The following STXBP5L variants were observed in gnomAD, a reference collection of about 807,000 sequenced individuals.
STXBP5L encodes the protein syntaxin binding protein 5L.
STXBP5L carries 65 observed loss-of-function variants against 144.5 expected under a neutral mutation model. That is an observed-to-expected ratio of 0.45 (90% CI 0.37 to 0.55). The LOEUF (loss-of-function observed/expected upper bound fraction) is 0.55. STXBP5L is among the 20% of genes least tolerant of loss of function. The pLI, the probability that STXBP5L is intolerant of heterozygous loss-of-function variation, is 0.00. For missense variants in STXBP5L, 1,298 were observed against 1,405.5 expected (o/e 0.92, Z 1.22); for synonymous variants, 505 against 469.6 (o/e 1.08, Z -0.97).
At chr3:121,132,107 C>T (rs2045018255) in intron 7 of STXBP5L, among the ~76,000 whole-genome samples, 1 of 152,140 alleles carries the variant, frequency 6.6e-6, no homozygotes, top group Non-Finnish European at 1.5e-5. Flanking sequence ...AGTCTTGGAG[C>T]ACTGACAGCT....
intron 8 of STXBP5L, 105 bp downstream of exon 8, chr3:121,152,665 C>A: frequency 1.3e-6 from 1 of 748,312 alleles, no homozygotes; most frequent in South Asian, 2.2e-5. Context: ...TGGAAAGTTG[C>A]CTGATTCTGA....
At chr3:121,297,966 C>A (rs913799512) in intron 19 of STXBP5L, among the ~76,000 whole-genome samples, 1 of 152,132 alleles carries the variant, frequency 6.6e-6, no homozygotes, top group African/African-American at 2.4e-5. Context: ...CTTTGAGAAT[C>A]CTGTTTTCAA....
chr3:121,133,646 G>T (rs958939096), intron 7 of STXBP5L, among the ~76,000 whole-genome samples: 1 of 152,176 alleles, frequency 6.6e-6, no homozygotes, highest in African/African-American at 2.4e-5. Flanking sequence ...TCTTTAAGTT[G>T]AAGCAAAAGG....
chr3:121,389,957 C>T (rs1239918865), intron 22 of STXBP5L, among the ~76,000 whole-genome samples: 1 of 152,120 alleles, frequency 6.6e-6, no homozygotes, highest in Non-Finnish European at 1.5e-5. Flanking sequence ...CCTTCTGTCT[C>T]GTGGATCTGT....
chr3:121,417,455 T>C (rs1046098750), intron 25 of STXBP5L, among the ~76,000 whole-genome samples: 1 of 152,130 alleles, frequency 6.6e-6, no homozygotes, highest in Non-Finnish European at 1.5e-5. Context: ...AGCTGTTTTT[T>C]TTTCCTTAAA....
intron 14 of STXBP5L, among the ~76,000 whole-genome samples, 155 bp downstream of exon 14, chr3:121,240,662 C>T (rs1182889476): frequency 6.6e-6 from 1 of 152,046 alleles, no homozygotes; most frequent in Admixed American, 6.6e-5. Flanking sequence ...CTCATCTTGA[C>T]AGAGGATATA....
rs535446894 is a variant in STXBP5L at position 121,381,486 on chromosome 3, A to C, written c.2541A>C (p.Leu847Phe). The C allele has an allele frequency of 1.6e-5, 25 of 1,595,480 alleles. No homozygotes were observed. In the East Asian group the frequency reaches 3.6e-4, roughly 23 times the overall value. The change falls in exon 22 of 27, where the codon TTA (leucine) becomes TTC (phenylalanine). Residue 847 changes from leucine to phenylalanine, a missense_variant. Transcript: ENST00000471454. ...MVLIISLNLP[L>F]ADEQRFTEPV... ...TAATCATCTCCTTAAACCTACCATT[A>C]GCAGATGAACAAAGGTTTACAGAGC...
chr3:120,933,202 T>TA (rs1293207215), intron 2 of STXBP5L, among the ~76,000 whole-genome samples: 9 of 151,836 alleles, frequency 5.9e-5, no homozygotes, highest in Non-Finnish European at 1.0e-4. Context: ...ATAATAATAA[T>TA]AAAAAAAGAA....
intron 19 of STXBP5L, among the ~76,000 whole-genome samples, chr3:121,312,788 G>A (rs1405363901): frequency 6.6e-6 from 1 of 152,024 alleles, no homozygotes; most frequent in Non-Finnish European, 1.5e-5. Flanking sequence ...TAAGGTCACA[G>A]ATCAACAGGA....
intron 20 of STXBP5L, among the ~76,000 whole-genome samples, chr3:121,344,630 A>T (rs2044875364): frequency 6.6e-6 from 1 of 152,078 alleles, no homozygotes. Context: ...ATACAAATAC[A>T]ATAGTGTAAT....
chr3:121,335,009 T>G (rs1357588469), intron 20 of STXBP5L, among the ~76,000 whole-genome samples: 1 of 152,132 alleles, frequency 6.6e-6, no homozygotes, highest in Admixed American at 6.6e-5. Context: ...AGAGAGAAAG[T>G]CAAACAATTC....
At chr3:120,951,941 G>A (rs943043713) in intron 2 of STXBP5L, among the ~76,000 whole-genome samples, 16 of 151,788 alleles carry the variant, frequency 1.1e-4, no homozygotes, top group African/African-American at 2.4e-4. Context: ...TTAAGAAAAT[G>A]TGGCACATAT....
chr3:121,178,265 TG>T (rs1394591915), intron 9 of STXBP5L, among the ~76,000 whole-genome samples: 3 of 152,206 alleles, frequency 2.0e-5, no homozygotes, highest in Non-Finnish European at 2.9e-5. Context: ...GAAAAATAGT[TG>T]ATTTTAAATT....
At chr3:121,176,549 A>G (rs548519326) in intron 9 of STXBP5L, among the ~76,000 whole-genome samples, 42 of 151,792 alleles carry the variant, frequency 2.8e-4, no homozygotes, top group Non-Finnish European at 4.4e-4. Flanking sequence ...CTCCCAAAAT[A>G]ACAAGCATTT....
chr3:121,349,520 T>G (rs987741758), intron 20 of STXBP5L, among the ~76,000 whole-genome samples: 1 of 152,092 alleles, frequency 6.6e-6, no homozygotes, highest in Non-Finnish European at 1.5e-5. Context: ...CCTTGTTAAC[T>G]TTCTGTCTCG....
At chr3:121,096,121 C>G (rs915522673) in intron 5 of STXBP5L, among the ~76,000 whole-genome samples, 3 of 152,086 alleles carry the variant, frequency 2.0e-5, no homozygotes, top group African/African-American at 4.8e-5. Flanking sequence ...CCCCCACTGT[C>G]TGACAATCCC....
chr3:121,217,353 C>G (rs2048814543), intron 10 of STXBP5L, among the ~76,000 whole-genome samples: 1 of 152,150 alleles, frequency 6.6e-6, no homozygotes. Context: ...GTTGCGAAGA[C>G]CATGGGAAAA....
intron 3 of STXBP5L, among the ~76,000 whole-genome samples, chr3:121,027,819 G>C (rs534568714): frequency 1.3e-5 from 2 of 152,088 alleles, no homozygotes; most frequent in African/African-American, 4.8e-5. Context: ...TCAGGACATG[G>C]ACATCTTCAG....
chr3:121,329,361 A>C (rs909476216), intron 20 of STXBP5L, among the ~76,000 whole-genome samples: 2 of 152,192 alleles, frequency 1.3e-5, no homozygotes, highest in Non-Finnish European at 2.9e-5. Context: ...CAGGTGCTTT[A>C]AGATCTGGCA....
Sources: allele counts gnomAD v4.1 joint callset (sites outside exome capture counted in the v4.1 genomes callset), GRCh38; gene constraint gnomAD v4.1.1; transcripts MANE v1.5; gene names NCBI Gene and HGNC (gene_info 2026-07-23, HGNC 2026-07-21).